RIPOR2: variants seen among roughly 807,000 people sequenced by gnomAD.
RIPOR2 encodes RHO family interacting cell polarization regulator 2.
Under a neutral mutation model 114.5 loss-of-function variants are expected in RIPOR2, and 39 were observed. The observed-to-expected ratio is 0.34, with a 90% confidence interval of 0.26 to 0.44. The LOEUF is 0.44. RIPOR2 is among the 20% of genes least tolerant of loss of function. RIPOR2 has a pLI of 1.00. For synonymous variants in RIPOR2, 445 were observed against 484.4 expected (o/e 0.92, Z 1.07); for missense variants, 1,007 against 1,255.1 (o/e 0.80, Z 2.99).
intron 1 of RIPOR2, chr6:24,911,205 G>C (rs913084465): frequency 6.6e-6 from 1 of 152,562 alleles, no homozygotes; most frequent in Admixed American, 6.5e-5. Context: ...ACAGCTGCTT[G>C]ACAGCTACTT....
chr6:24,976,426 A>G (rs538203069), intron 1 of RIPOR2: 6 of 1,553,402 alleles, frequency 3.9e-6, no homozygotes, highest in East Asian at 4.5e-5. Context: ...GCCATGGTCA[A>G]CCCCACCATG....
chr6:25,004,422 G>A (rs1775455789), intron 1 of RIPOR2, among the ~76,000 whole-genome samples: 1 of 152,136 alleles, frequency 6.6e-6, no homozygotes, highest in South Asian at 2.1e-4. Flanking sequence ...AGTTCTCCTT[G>A]GCCTGGAGAG....
chr6:24,934,255 TAA>T (rs1043920407), intron 1 of RIPOR2, among the ~76,000 whole-genome samples: 3 of 152,150 alleles, frequency 2.0e-5, no homozygotes, highest in Admixed American at 6.5e-5. Context: ...GGTGTTTGCT[TAA>T]AGAGGAAACA....
chr6:24,912,005 C>G (rs1360821774), intron 1 of RIPOR2, among the ~76,000 whole-genome samples: 1 of 152,184 alleles, frequency 6.6e-6, no homozygotes, highest in Non-Finnish European at 1.5e-5. Flanking sequence ...GGAGACATGT[C>G]AACATGGGAA....
chr6:24,845,677 G>C (rs1762193073), intron 12 of RIPOR2, among the ~76,000 whole-genome samples: 1 of 152,152 alleles, frequency 6.6e-6, no homozygotes, highest in African/African-American at 2.4e-5. Context: ...AGTCTACCAA[G>C]GGGACAAGTC....
intron 1 of RIPOR2, chr6:25,014,962 C>T (rs747608045): frequency 3.3e-5 from 5 of 151,926 alleles, no homozygotes; most frequent in South Asian, 2.1e-4. Flanking sequence ...TGAATAAGAA[C>T]ATAGGCAGTC....
At chr6:25,035,836 C>T (rs303891) in intron 1 of RIPOR2, among the ~76,000 whole-genome samples, 5,077 of 152,186 alleles carry the variant, frequency 0.033, 262 homozygotes, top group African/African-American at 0.11. Context: ...CTTCCTATCC[C>T]GGGCCCCTCT....
intron 1 of RIPOR2, among the ~76,000 whole-genome samples, chr6:25,036,117 T>G (rs1777239378): frequency 6.6e-6 from 1 of 152,038 alleles, no homozygotes. Context: ...CCTTGCCCAG[T>G]CACAATTAAG....
At chr6:25,010,678 C>A (rs1030236763) in intron 1 of RIPOR2, among the ~76,000 whole-genome samples, 1 of 152,166 alleles carries the variant, frequency 6.6e-6, no homozygotes, top group Non-Finnish European at 1.5e-5. Flanking sequence ...GGAGCCTGTG[C>A]TATAGATCCT....
intron 1 of RIPOR2, among the ~76,000 whole-genome samples, chr6:25,006,445 A>G (rs931001525): frequency 3.2e-4 from 49 of 152,354 alleles, no homozygotes; most frequent in African/African-American, 1.2e-3. Context: ...ATTTGTCTTC[A>G]GGCCTTAAAG....
intron 21 of RIPOR2, among the ~76,000 whole-genome samples, chr6:24,808,301 C>T (rs1010116870): frequency 5.3e-5 from 8 of 152,134 alleles, no homozygotes; most frequent in East Asian, 1.9e-4. Flanking sequence ...ATAGAAGCTT[C>T]GTTGGCTATG....
At chr6:24,860,783 A>G (rs1025334711) in intron 8 of RIPOR2, among the ~76,000 whole-genome samples, 190 bp downstream of exon 8, 3 of 152,194 alleles carry the variant, frequency 2.0e-5, no homozygotes, top group African/African-American at 7.2e-5. Flanking sequence ...TTCTGTCATA[A>G]TATTTTTGTG....
chr6:24,952,546 C>A (rs1374806398), intron 1 of RIPOR2, among the ~76,000 whole-genome samples: 1 of 152,162 alleles, frequency 6.6e-6, no homozygotes, highest in Non-Finnish European at 1.5e-5. Flanking sequence ...CACACCATTT[C>A]CACCAACCAG....
chr6:25,027,898 G>T (rs1231351376), intron 1 of RIPOR2, among the ~76,000 whole-genome samples: 2 of 152,198 alleles, frequency 1.3e-5, no homozygotes, highest in African/African-American at 4.8e-5. Context: ...CTCCAGTCGG[G>T]CCGCTGAGCC....
intron 1 of RIPOR2, among the ~76,000 whole-genome samples, chr6:24,995,756 A>G (rs1462865910): frequency 6.6e-6 from 1 of 152,122 alleles, no homozygotes; most frequent in Non-Finnish European, 1.5e-5. Flanking sequence ...GTTTCTATGA[A>G]GATCTAACAT....
At chr6:25,008,980 G>C (rs1775668224) in intron 1 of RIPOR2, among the ~76,000 whole-genome samples, 1 of 152,236 alleles carries the variant, frequency 6.6e-6, no homozygotes, top group African/African-American at 2.4e-5. Flanking sequence ...GCTTGTTAGG[G>C]ATGAAGCCAG....
chr6:24,903,779 C>T (rs1768699155), intron 1 of RIPOR2, among the ~76,000 whole-genome samples: 2 of 152,180 alleles, frequency 1.3e-5, no homozygotes, highest in African/African-American at 4.8e-5. Context: ...CCTACCTCCC[C>T]TTTGTATCTT....
chr6:24,890,648 G>C (rs532027553), intron 1 of RIPOR2, among the ~76,000 whole-genome samples: 1 of 139,060 alleles, frequency 7.2e-6, no homozygotes, highest in African/African-American at 2.5e-5. Context: ...GTACCCAATA[G>C]ATTTTTTTCT....
At chr6:24,970,891 A>G (rs1773759971) in intron 1 of RIPOR2, among the ~76,000 whole-genome samples, 1 of 43,458 alleles carries the variant, frequency 2.3e-5, no homozygotes, top group African/African-American at 3.4e-5. Context: ...GAGACATTGC[A>G]CAAATTTTTT....
Sources: allele counts gnomAD v4.1 joint callset (sites outside exome capture counted in the v4.1 genomes callset), GRCh38; gene constraint gnomAD v4.1.1; transcripts MANE v1.5; gene names NCBI Gene and HGNC (gene_info 2026-07-23, HGNC 2026-07-21).